Variants in MARCHF1 observed in about 807,000 individuals in gnomAD.
MARCHF1 encodes the protein membrane associated ring-CH-type finger 1.
Under a neutral mutation model 54.2 loss-of-function variants are expected in MARCHF1, and 40 were observed. That is an observed-to-expected ratio of 0.74 (90% CI 0.57 to 0.96). MARCHF1 has a LOEUF of 0.96. MARCHF1 is among the 40% of genes least tolerant of loss of function. The probability of loss-of-function intolerance (pLI) is 0.00; values close to 1 mark genes in which losing one functional copy is unlikely to be tolerated. For missense variants in MARCHF1, 586 were observed against 656.5 expected (o/e 0.89, Z 1.17); for synonymous variants, 236 against 236.3 (o/e 1.00, Z 0.01).
chr4:163,536,088 A>T (rs1188580657), intron 9 of MARCHF1, among the ~76,000 whole-genome samples: 2 of 152,156 alleles, frequency 1.3e-5, no homozygotes, highest in Non-Finnish European at 2.9e-5. Flanking sequence ...TTTATTGGGA[A>T]ATTTGCAGAA....
chr4:163,951,807 C>A (rs555243032), intron 3 of MARCHF1, among the ~76,000 whole-genome samples: 1 of 152,262 alleles, frequency 6.6e-6, no homozygotes, highest in Non-Finnish European at 1.5e-5. Context: ...GTTATAGCTT[C>A]TCAAATATTT....
intron 2 of MARCHF1, among the ~76,000 whole-genome samples, chr4:164,071,727 T>C (rs1754870840): frequency 6.6e-6 from 1 of 152,188 alleles, no homozygotes; most frequent in African/African-American, 2.4e-5. Flanking sequence ...AACCCATAGC[T>C]TCCTAGTGGT....
chr4:164,210,769 T>C (rs113023992), intron 1 of MARCHF1, among the ~76,000 whole-genome samples: 1 of 152,096 alleles, frequency 6.6e-6, no homozygotes, highest in Non-Finnish European at 1.5e-5. Context: ...TTCTACATTA[T>C]TGACAATAGC....
chr4:163,897,128 A>G (rs991418812), intron 3 of MARCHF1, among the ~76,000 whole-genome samples: 12 of 152,188 alleles, frequency 7.9e-5, no homozygotes, highest in African/African-American at 2.9e-4. Flanking sequence ...ATGGAGTAAC[A>G]CTATAGACCT....
intron 2 of MARCHF1, among the ~76,000 whole-genome samples, chr4:164,070,875 T>C (rs778987619): frequency 5.3e-5 from 8 of 152,190 alleles, no homozygotes; most frequent in Non-Finnish European, 1.0e-4. Flanking sequence ...TCCCACAAGT[T>C]GTGGGAGGGA....
chr4:164,109,103 G>C (rs1384691726), intron 2 of MARCHF1, among the ~76,000 whole-genome samples: 1 of 152,038 alleles, frequency 6.6e-6, no homozygotes, highest in Non-Finnish European at 1.5e-5. Context: ...TGTGAAACCT[G>C]TTACTCTCTC....
intron 3 of MARCHF1, among the ~76,000 whole-genome samples, chr4:163,882,747 T>C (rs1250607729): frequency 6.6e-6 from 1 of 152,086 alleles, no homozygotes; most frequent in Non-Finnish European, 1.5e-5. Flanking sequence ...GGTAGGTGGA[T>C]TGCTTGAACC....
In MARCHF1 at chr4:164,188,736, T is replaced by A. The variant is rs151001796; in HGVS notation, c.-322-77074A>T. ...ATCAAGTTCTTGCGGTTCAAGGTAG[T>A]TGAAAAGAAAACTAAACCATACGTT... On this transcript the variant is annotated intron_variant, in intron 1 of 9. Transcript: ENST00000514618. The A allele has an allele frequency of 4.9e-4, 503 of 1,029,880 alleles. 3 individuals carry two copies. The East Asian group carries it at 0.012, about 24-fold the overall frequency. 63.8% of individuals were successfully genotyped at this position (1,029,880 alleles called of 1,614,324 possible).
chr4:164,369,153 G>C (rs1730962068), intron 1 of MARCHF1, among the ~76,000 whole-genome samples: 1 of 152,138 alleles, frequency 6.6e-6, no homozygotes, highest in Non-Finnish European at 1.5e-5. Flanking sequence ...GCTCTTGGCA[G>C]CTGAGACAGA....
Position 163,612,661 on chromosome 4 carries a change from A to G in MARCHF1, c.620T>C (p.Ile207Thr), listed in dbSNP as rs558586255. 3.9e-6 allele frequency: 6 copies of G among 1,535,444 alleles called. No homozygotes were observed. The African/African-American group carries it at 5.5e-5, about 14-fold the overall frequency. Residue 207 changes from isoleucine (I) to threonine (T), a missense_variant, in exon 7 of 10, where the codon ATT becomes ACT. Coordinates refer to ENST00000514618, the MANE Select transcript of MARCHF1 (RefSeq NM_001394959.1). ...TTTGGATCCCAGATCAACGAGCTCA[A>G]TTCCGTTAGGAGTGGAAGACCCAGC... ...NLAGSSTPNGIELVDLGSKGK... is the reference protein window; with the variant it reads ...NLAGSSTPNGTELVDLGSKGK...
rs142187147 is a variant in MARCHF1 at position 163,652,080 on chromosome 4, G to A, written c.163-38687C>T. On this transcript the variant is annotated intron_variant, in intron 5 of 9. Coordinates refer to ENST00000514618, the MANE Select transcript of MARCHF1 (RefSeq NM_001394959.1). The stretch of plus-strand genomic sequence containing the variant: ...TTCCCTCTTTTTAGAATGTTCTGCC[G>A]TCATGTGCAGATGGATAATGCCTAT... Among the ~76,000 whole-genome samples the A allele has an allele frequency of 2.6e-4, 40 of 151,734 alleles. 1 individual carries two copies. Among genetic ancestry groups the A allele is most frequent in the Admixed American group, 1.3e-3 (20 of 15,182 alleles).
At chr4:163,676,523 G>C (rs573962950) in intron 5 of MARCHF1, among the ~76,000 whole-genome samples, 23 of 152,274 alleles carry the variant, frequency 1.5e-4, no homozygotes, top group Admixed American at 1.2e-3. Context: ...AAAGCAAGAG[G>C]ATTGCTGGAG....
At chr4:163,580,320 C>T (rs569002611) in intron 8 of MARCHF1, among the ~76,000 whole-genome samples, 54 of 152,150 alleles carry the variant, frequency 3.5e-4, no homozygotes, top group Admixed American at 1.2e-3. Context: ...CCTCGTGATC[C>T]GCCCGCCTCG....
chr4:163,963,388 G>A (rs144259276), intron 3 of MARCHF1, among the ~76,000 whole-genome samples: 5 of 151,904 alleles, frequency 3.3e-5, no homozygotes, highest in Non-Finnish European at 5.9e-5. Context: ...AATGACATAG[G>A]AATTGAAAAC....
At chr4:164,008,205 G>A (rs910055948) in intron 2 of MARCHF1, among the ~76,000 whole-genome samples, 1 of 152,074 alleles carries the variant, frequency 6.6e-6, no homozygotes, top group Non-Finnish European at 1.5e-5. Context: ...AGATAAAACA[G>A]ACTATAAATC....
chr4:163,911,002 G>T (rs1450764511), intron 3 of MARCHF1, among the ~76,000 whole-genome samples: 1 of 152,178 alleles, frequency 6.6e-6, no homozygotes, highest in Non-Finnish European at 1.5e-5. Flanking sequence ...AGTTGATTCA[G>T]CATTACTGTG....
chr4:163,857,108 A>AG (rs1412328315), intron 3 of MARCHF1, among the ~76,000 whole-genome samples: 7 of 140,182 alleles, frequency 5.0e-5, no homozygotes, highest in East Asian at 2.1e-4. Flanking sequence ...GGAGAGAGAG[A>AG]AAAAAAAAAA....
chr4:163,919,444 C>T (rs1751376989), intron 3 of MARCHF1, among the ~76,000 whole-genome samples: 1 of 151,734 alleles, frequency 6.6e-6, no homozygotes, highest in Admixed American at 6.6e-5. Context: ...AAAATTGTAT[C>T]TATATAATTA....
intron 5 of MARCHF1, among the ~76,000 whole-genome samples, chr4:163,677,889 A>G (rs1450268814): frequency 6.6e-6 from 1 of 152,086 alleles, no homozygotes; most frequent in Non-Finnish European, 1.5e-5. Context: ...TAATTTTACA[A>G]CTCTTCTGGC....
Sources: allele counts gnomAD v4.1 joint callset (sites outside exome capture counted in the v4.1 genomes callset), GRCh38; gene constraint gnomAD v4.1.1; transcripts MANE v1.5; gene names NCBI Gene and HGNC (gene_info 2026-07-23, HGNC 2026-07-21).